AFAP1: variants seen among roughly 807,000 people sequenced by gnomAD.
AFAP1 encodes the protein actin filament associated protein 1, also known as actin filament-associated protein 1.
A neutral mutation model predicts 93.9 loss-of-function variants in AFAP1; 75 were observed. That is an observed-to-expected ratio of 0.80 (90% CI 0.66 to 0.97). The LOEUF is 0.97. Among genes scored for constraint, AFAP1 ranks in the 50% least tolerant of loss-of-function variants. The probability of loss-of-function intolerance (pLI) is 0.00; values close to 1 mark genes in which losing one functional copy is unlikely to be tolerated. For missense variants in AFAP1, 1,201 were observed against 1,050.8 expected (o/e 1.14, Z -1.98); for synonymous variants, 517 against 430.7 (o/e 1.20, Z -2.48).
At chr4:7,786,073 G>T in intron 12 of AFAP1, 121 bp downstream of exon 12, 1 of 812,256 alleles carries the variant, frequency 1.2e-6, no homozygotes, top group Admixed American at 2.3e-5. Context: ...GAGTCTCCTT[G>T]CCTCAGAGCA....
intron 1 of AFAP1, among the ~76,000 whole-genome samples, chr4:7,906,090 G>A (rs1309170248): frequency 6.6e-6 from 1 of 152,044 alleles, no homozygotes; most frequent in East Asian, 1.9e-4. Flanking sequence ...CTCCAAACAG[G>A]GCAGGGATTT....
chr4:7,764,037 C>T (rs565786907), intron 17 of AFAP1, among the ~76,000 whole-genome samples: 35 of 152,280 alleles, frequency 2.3e-4, no homozygotes, highest in African/African-American at 6.7e-4. Context: ...AGCCAGGAGG[C>T]AGAGGAAACC....
intron 2 of AFAP1, among the ~76,000 whole-genome samples, chr4:7,869,522 C>T (rs756148319): frequency 2.0e-5 from 3 of 152,176 alleles, no homozygotes; most frequent in Non-Finnish European, 2.9e-5. Context: ...ATGTCTTGGG[C>T]ACTCAGATTT....
At chr4:7,820,144 A>G (rs1447208003) in intron 6 of AFAP1, among the ~76,000 whole-genome samples, 1 of 152,210 alleles carries the variant, frequency 6.6e-6, no homozygotes, top group Non-Finnish European at 1.5e-5. Flanking sequence ...AAGGACAGAC[A>G]GGGAGTCAGG....
intron 1 of AFAP1, among the ~76,000 whole-genome samples, chr4:7,898,575 A>T (rs1718921811): frequency 6.6e-6 from 1 of 151,622 alleles, no homozygotes; most frequent in South Asian, 2.1e-4. Flanking sequence ...GGAAGAGCAT[A>T]CGGGAATTCT....
At chr4:7,764,490 C>T (rs536436612) in intron 17 of AFAP1, among the ~76,000 whole-genome samples, 5 of 152,160 alleles carry the variant, frequency 3.3e-5, no homozygotes, top group African/African-American at 1.2e-4. Flanking sequence ...GATGGCTGTG[C>T]AACAATGGGA....
At chr4:7,928,080 G>A (rs907100591) in intron 1 of AFAP1, among the ~76,000 whole-genome samples, 1 of 152,122 alleles carries the variant, frequency 6.6e-6, no homozygotes, top group Admixed American at 6.6e-5. Flanking sequence ...GAGTTACTAG[G>A]CAAGAACATG....
In AFAP1 at chr4:7,869,984, C is replaced by T. The variant is rs185590053; in HGVS notation, c.128-1265G>A. On this transcript the variant is annotated intron_variant, in intron 2 of 17. Coordinates refer to ENST00000420658, the MANE Select transcript of AFAP1 (RefSeq NM_001134647.2). ...GAGACCAGTGCTGGAGCTCACTGGGCGGAGGGAAAAGACAGGAAATCAGGG... is the reference window on the plus strand; with the variant it reads ...GAGACCAGTGCTGGAGCTCACTGGGTGGAGGGAAAAGACAGGAAATCAGGG... Among the ~76,000 whole-genome samples, 535 of 152,112 alleles carry T rather than the reference C, an allele frequency of 3.5e-3. 3 individuals carry two copies. The highest frequency in any genetic ancestry group is 0.012 in the African/African-American group (502 of 41,490).
At chr4:7,826,157 T>C (rs1237200350) in intron 6 of AFAP1, among the ~76,000 whole-genome samples, 1 of 152,218 alleles carries the variant, frequency 6.6e-6, no homozygotes, top group Non-Finnish European at 1.5e-5. Context: ...AAGTTCTCAC[T>C]GTGTGGGCTG....
intron 1 of AFAP1, among the ~76,000 whole-genome samples, chr4:7,876,195 A>G (rs1286325678): frequency 6.6e-6 from 1 of 152,226 alleles, no homozygotes; most frequent in East Asian, 1.9e-4. Flanking sequence ...CTCCCTCTAC[A>G]GTGCGACCAT....
intron 17 of AFAP1, among the ~76,000 whole-genome samples, chr4:7,766,147 C>T (rs1275185530): frequency 6.6e-6 from 1 of 152,204 alleles, no homozygotes; most frequent in Non-Finnish European, 1.5e-5. Flanking sequence ...GCCACAATGC[C>T]GACAACACTA....
chr4:7,781,300 C>G, intron 13 of AFAP1, 76 bp downstream of exon 13: 2 of 1,502,254 alleles, frequency 1.3e-6, no homozygotes, highest in South Asian at 2.6e-5. Context: ...GTCCCATTTA[C>G]TACAAGTTGC....
chr4:7,798,852 C>CTGTCT, intron 10 of AFAP1: 7 of 976,270 alleles, frequency 7.2e-6, no homozygotes, highest in Non-Finnish European at 8.5e-6. Flanking sequence ...CCGAGCTTCT[C>CTGTCT]TGTCTGGGCA....
chr4:7,883,988 G>A (rs996825859), intron 1 of AFAP1, among the ~76,000 whole-genome samples: 6 of 152,182 alleles, frequency 3.9e-5, no homozygotes, highest in East Asian at 3.9e-4. Flanking sequence ...CAGTGTTGGG[G>A]ATGGGGCCTG....
At chr4:7,779,112 G>A in intron 13 of AFAP1, 1 of 496,982 alleles carries the variant, frequency 2.0e-6, no homozygotes, top group East Asian at 3.7e-5. Flanking sequence ...TGTTCCGCTG[G>A]AACACTGCAG....
At chr4:7,869,850 AC>A (rs1716869087) in intron 2 of AFAP1, among the ~76,000 whole-genome samples, 1 of 4,240 alleles carries the variant, frequency 2.4e-4, no homozygotes, top group Non-Finnish European at 4.1e-3. Flanking sequence ...GATAAATGAC[AC>A]ACACACACAC....
intron 3 of AFAP1, among the ~76,000 whole-genome samples, chr4:7,867,470 G>A (rs974338387): frequency 1.7e-4 from 26 of 152,136 alleles, no homozygotes; most frequent in Non-Finnish European, 3.4e-4. Context: ...ACTCCACTTC[G>A]GTGGACAGGC....
intron 1 of AFAP1, among the ~76,000 whole-genome samples, chr4:7,936,833 G>A (rs766326980): frequency 1.3e-5 from 2 of 151,948 alleles, no homozygotes; most frequent in South Asian, 2.1e-4. Flanking sequence ...TGCCTGCCTC[G>A]GCCTCCCAAA....
intron 4 of AFAP1, among the ~76,000 whole-genome samples, chr4:7,847,862 G>C (rs1046532467): frequency 6.6e-6 from 1 of 151,636 alleles, no homozygotes; most frequent in African/African-American, 2.4e-5. Flanking sequence ...TGTAGAGTAA[G>C]GCAGCAGACC....
Sources: allele counts gnomAD v4.1 joint callset (sites outside exome capture counted in the v4.1 genomes callset), GRCh38; gene constraint gnomAD v4.1.1; transcripts MANE v1.5; gene names NCBI Gene and HGNC (gene_info 2026-07-23, HGNC 2026-07-21).